The following SLC39A11 variants were observed in gnomAD, a reference collection of about 807,000 sequenced individuals.
The protein encoded by SLC39A11 is solute carrier family 39 member 11.
Under a neutral mutation model 36.1 loss-of-function variants are expected in SLC39A11, and 33 were observed. That is an observed-to-expected ratio of 0.91 (90% CI 0.69 to 1.22). SLC39A11 has a LOEUF of 1.22. Among genes scored for constraint, SLC39A11 ranks in the 50% most tolerant of loss-of-function variants. The pLI, the probability that SLC39A11 is intolerant of heterozygous loss-of-function variation, is 0.00. For missense variants in SLC39A11, 432 were observed against 430.3 expected (o/e 1.00, Z -0.03); for synonymous variants, 166 against 170.3 (o/e 0.97, Z 0.20).
chr17:72,649,323 A>C, intron 7 of SLC39A11, 55 bp from the exon 8 acceptor site: 2 of 1,524,306 alleles, frequency 1.3e-6, no homozygotes, highest in Non-Finnish European at 1.8e-6. Flanking sequence ...TGCTCACACA[A>C]TGGGAGTCCC....
At chr17:72,773,958 C>T (rs1211766723) in intron 6 of SLC39A11, among the ~76,000 whole-genome samples, 2 of 152,186 alleles carry the variant, frequency 1.3e-5, no homozygotes, top group African/African-American at 4.8e-5. Context: ...TCTATGTTTC[C>T]TCTTACACCA....
intron 4 of SLC39A11, among the ~76,000 whole-genome samples, chr17:72,968,196 G>A (rs908399829): frequency 6.6e-6 from 1 of 152,124 alleles, no homozygotes; most frequent in African/African-American, 2.4e-5. Flanking sequence ...GAGCTAAGCG[G>A]GAAAGCAGGA....
At chr17:73,030,915 G>A (rs2058717887) in intron 4 of SLC39A11, among the ~76,000 whole-genome samples, 1 of 152,130 alleles carries the variant, frequency 6.6e-6, no homozygotes, top group African/African-American at 2.4e-5. Context: ...CCCAAATCCA[G>A]CTCTCCTGCC....
At chr17:73,042,733 C>T (rs1598987251) in intron 3 of SLC39A11, among the ~76,000 whole-genome samples, 3 of 152,158 alleles carry the variant, frequency 2.0e-5, no homozygotes, top group South Asian at 2.1e-4. Flanking sequence ...ACCTGGGAGG[C>T]GGAGGTTGCA....
intron 4 of SLC39A11, among the ~76,000 whole-genome samples, chr17:72,979,354 C>CAGACT (rs61219348): frequency 0.38 from 57,276 of 151,488 alleles, 10,951 homozygotes; most frequent in East Asian, 0.57. Context: ...GGTCTGAAAA[C>CAGACT]AGACTAATAC....
intron 6 of SLC39A11, among the ~76,000 whole-genome samples, chr17:72,793,341 T>C (rs2076779739): frequency 6.6e-6 from 1 of 152,162 alleles, no homozygotes; most frequent in African/African-American, 2.4e-5. Flanking sequence ...GTCCTAGAGC[T>C]GAGAAAGCAT....
chr17:72,759,913 G>T (rs2075508479), intron 6 of SLC39A11, among the ~76,000 whole-genome samples: 1 of 152,150 alleles, frequency 6.6e-6, no homozygotes, highest in Non-Finnish European at 1.5e-5. Flanking sequence ...ACCTGTGCGG[G>T]GCCCCCTGCC....
In SLC39A11 at chr17:72,702,101, G is replaced by A. The variant is rs574293164; in HGVS notation, c.671+34549C>T. Among the ~76,000 whole-genome samples, 242 of 124,078 alleles carry A rather than the reference G, an allele frequency of 2.0e-3. 1 individual carries two copies. The highest frequency in any genetic ancestry group is 6.7e-3 in the African/African-American group (234 of 34,952). 81.4% of individuals were successfully genotyped at this position (124,078 alleles called of 152,430 possible). A position where few individuals can be genotyped will look rare whatever the true frequency, so the allele number is the denominator to read the frequency against. ...AGCCTAGGTAATGGAGTGAGACTCT[G>A]TCTCCATAAAATAAAATAAAAAAGA... On this transcript the variant is annotated intron_variant, in intron 7 of 9. Transcript: ENST00000255559.
At chr17:72,766,849 C>A (rs116193091) in intron 6 of SLC39A11, among the ~76,000 whole-genome samples, 3 of 152,132 alleles carry the variant, frequency 2.0e-5, no homozygotes, top group African/African-American at 7.2e-5. Flanking sequence ...GTTGGCATGA[C>A]CATAAACCAC....
chr17:72,895,903 T>C (rs2146814136), intron 5 of SLC39A11, among the ~76,000 whole-genome samples: 1 of 152,268 alleles, frequency 6.6e-6, no homozygotes, highest in African/African-American at 2.4e-5. Flanking sequence ...CTAATATAGA[T>C]CATACACAAA....
intron 6 of SLC39A11, among the ~76,000 whole-genome samples, chr17:72,756,018 G>A (rs1027229734): frequency 6.6e-6 from 1 of 152,184 alleles, no homozygotes; most frequent in African/African-American, 2.4e-5. Flanking sequence ...ACACCCATTA[G>A]GATGTCTACT....
At position 73,002,813 on chromosome 17, in the gene SLC39A11, T is replaced by A. The variant is rs1306031184; in HGVS notation, c.306+28743A>T. 3.3e-5 allele frequency among the ~76,000 whole-genome samples: 5 copies of A among 152,192 alleles called. No homozygotes were observed. The East Asian group carries it at 9.6e-4, about 29-fold the overall frequency. ...AATGTGTCAGCAGGGCCATGCTCCC[T>A]CTGGAGGCTCTAGGGAAGAATCTGT... On this transcript the variant is annotated intron_variant, in intron 4 of 9. Transcript: ENST00000255559.
intron 5 of SLC39A11, among the ~76,000 whole-genome samples, chr17:72,912,691 G>T (rs1490379960): frequency 2.0e-5 from 3 of 152,098 alleles, no homozygotes; most frequent in African/African-American, 7.2e-5. Context: ...GGAAACACCG[G>T]ACCAGAAGCA....
chr17:72,979,275 C>T (rs1402660252), intron 4 of SLC39A11, among the ~76,000 whole-genome samples: 4 of 152,160 alleles, frequency 2.6e-5, no homozygotes, highest in Non-Finnish European at 5.9e-5. Context: ...TCCCCAGCCA[C>T]GCAGAACTGT....
At chr17:72,861,666 T>TATATATATC (rs1555605360) in intron 5 of SLC39A11, among the ~76,000 whole-genome samples, 7 of 107,090 alleles carry the variant, frequency 6.5e-5, no homozygotes, top group African/African-American at 2.4e-4. Flanking sequence ...ATTATATATA[T>TATATATATC]ATATATATAT....
chr17:72,769,822 G>A (rs1423213314), intron 6 of SLC39A11, among the ~76,000 whole-genome samples: 3 of 152,114 alleles, frequency 2.0e-5, no homozygotes, highest in African/African-American at 4.8e-5. Context: ...GGATTACACC[G>A]AGCCTGGCCA....
chr17:72,961,138 C>G (rs1001282700), intron 4 of SLC39A11, among the ~76,000 whole-genome samples: 5 of 152,212 alleles, frequency 3.3e-5, no homozygotes, highest in Admixed American at 3.3e-4. Context: ...TCATCACCTT[C>G]TGGTGAGACC....
chr17:72,737,237 C>T (rs1325941358), intron 6 of SLC39A11, among the ~76,000 whole-genome samples: 1 of 151,442 alleles, frequency 6.6e-6, no homozygotes, highest in Admixed American at 6.6e-5. Context: ...GAGTGTGCCA[C>T]TGCACTCCAG....
intron 5 of SLC39A11, among the ~76,000 whole-genome samples, chr17:72,942,535 C>T (rs2085178871): frequency 6.6e-6 from 1 of 152,088 alleles, no homozygotes; most frequent in Non-Finnish European, 1.5e-5. Flanking sequence ...AGGAGTTACA[C>T]CTCACTCTCG....
Sources: gnomAD v4.1 joint callset for allele counts (sites outside exome capture counted in the v4.1 genomes callset) on GRCh38, gnomAD v4.1.1 for gene constraint, MANE v1.5 for transcripts, NCBI Gene and HGNC (gene_info 2026-07-23, HGNC 2026-07-21) for gene names.